ABCC1: variants seen among roughly 807,000 people sequenced by gnomAD.
ABCC1 encodes multidrug resistance-associated protein 1.
A neutral mutation model predicts 172.9 loss-of-function variants in ABCC1; 83 were observed. The observed-to-expected ratio is 0.48, with a 90% CI of 0.40 to 0.58. The LOEUF (loss-of-function observed/expected upper bound fraction) is 0.58, where lower values mean the gene tolerates loss of function less well. ABCC1 is among the 20% of genes least tolerant of loss of function. The pLI is 0.00. For missense variants in ABCC1, 1,817 were observed against 2,002.7 expected, an observed-to-expected ratio of 0.91 and a Z score of 1.77; for synonymous variants, 937 against 825.2, an observed-to-expected ratio of 1.14 and a Z score of -2.32.
chr16:16,055,823 C>T (rs1342015721), intron 11 of ABCC1, among the ~76,000 whole-genome samples: 1 of 151,412 alleles, frequency 6.6e-6, no homozygotes, highest in African/African-American at 2.4e-5. Flanking sequence ...GTCAGCTCTC[C>T]CACCCTCAGG....
intron 12 of ABCC1, among the ~76,000 whole-genome samples, chr16:16,063,871 C>T (rs2050012939): frequency 6.6e-6 from 1 of 152,100 alleles, no homozygotes; most frequent in Non-Finnish European, 1.5e-5. Context: ...TGGTTGTGGT[C>T]GATCACATGC....
chr16:15,954,724 T>G (rs1318260964), intron 1 of ABCC1, among the ~76,000 whole-genome samples: 1 of 152,074 alleles, frequency 6.6e-6, no homozygotes, highest in East Asian at 1.9e-4. Context: ...TCGTGTTCTC[T>G]TTCTCCGAGG....
intron 4 of ABCC1, 78 bp downstream of exon 4, chr16:16,014,706 A>C: frequency 6.5e-7 from 1 of 1,545,088 alleles, no homozygotes; most frequent in Non-Finnish European, 8.8e-7. Flanking sequence ...GCTTGTGTAG[A>C]AGTCATGCGT....
chr16:16,008,977 G>T (rs1197404171), intron 2 of ABCC1, among the ~76,000 whole-genome samples: 2 of 148,486 alleles, frequency 1.3e-5, no homozygotes, highest in Admixed American at 1.4e-4. Context: ...TTGACACAAG[G>T]TGTTGCTCTT....
chr16:16,070,474 C>G (rs2050300885), intron 13 of ABCC1, among the ~76,000 whole-genome samples: 1 of 152,152 alleles, frequency 6.6e-6, no homozygotes, highest in Non-Finnish European at 1.5e-5. Context: ...ACCATCCTGG[C>G]TAACACGGTG....
intron 1 of ABCC1, among the ~76,000 whole-genome samples, chr16:16,006,109 C>T (rs2014800): frequency 0.5 from 75,558 of 151,930 alleles, 19,663 homozygotes; most frequent in Non-Finnish European, 0.59. Context: ...AACAAGCCAT[C>T]TATGGGCCAA....
chr16:16,114,777 T>C lies in ABCC1; in HGVS notation c.3091T>C (p.Phe1031Leu). Reference sequence around the variant, plus strand: ...CCGAGTGTCTGCAGGGATCGCCGTGTTTGGCTACTCCATGGCCGTGTCCAT... The same window carrying C: ...CCGAGTGTCTGCAGGGATCGCCGTGCTTGGCTACTCCATGGCCGTGTCCAT... ...ALGISQGIAV[F>L]GYSMAVSIGG... is the part of the protein sequence containing the mutation. Residue 1031 changes from phenylalanine (F) to leucine (L), a missense_variant, in exon 23 of 31, where the codon TTT becomes CTT. By Grantham distance (22) the Phe-to-Leu change is conservative. Coordinates refer to ENST00000399410, the MANE Select transcript of ABCC1 (RefSeq NM_004996.4). 6.3e-7 allele frequency: 1 copy of C among 1,596,638 alleles called. No homozygotes were observed. The highest frequency in any genetic ancestry group is 1.1e-5 in the South Asian group (1 of 90,642).
chr16:16,109,631 G>A (rs1173263442), intron 21 of ABCC1, among the ~76,000 whole-genome samples: 2 of 152,152 alleles, frequency 1.3e-5, no homozygotes, highest in Admixed American at 6.5e-5. Context: ...CATGTCAGGC[G>A]GCTAGACACA....
intron 1 of ABCC1, among the ~76,000 whole-genome samples, chr16:16,003,948 G>T (rs2047420334): frequency 6.6e-6 from 1 of 150,516 alleles, no homozygotes; most frequent in African/African-American, 2.4e-5. Flanking sequence ...ATTGGTTGGG[G>T]GGGGTGGATG....
intron 21 of ABCC1, among the ~76,000 whole-genome samples, chr16:16,110,985 C>T (rs1465624821): frequency 1.3e-5 from 2 of 152,170 alleles, no homozygotes; most frequent in Non-Finnish European, 1.5e-5. Context: ...ACTGCTTCTA[C>T]CTCTGCCTCC....
Position 16,114,825 on chromosome 16 carries a change from T to C in ABCC1, c.3139T>C (p.Cys1047Arg), listed in dbSNP as rs483352862. ...VSIGGILASR[C>R]LHVDLLHSIL... is the part of the protein sequence containing the mutation. The stretch of plus-strand genomic sequence containing the variant: ...CATCGGGGGGATCTTGGCTTCCCGC[T>C]GTCTGCACGTGGACCTGCTGCACAG... Residue 1047 changes from cysteine to arginine, a missense_variant, in exon 23 of 31, where the codon TGT becomes CGT. Physicochemically the swap from Cys to Arg is radical, Grantham distance 180. Coordinates refer to ENST00000399410, the MANE Select transcript of ABCC1 (RefSeq NM_004996.4). 7.5e-6 allele frequency: 12 copies of C among 1,610,376 alleles called. No homozygotes were observed. Among genetic ancestry groups the C allele is most frequent in the Non-Finnish European group, 1.0e-5 (12 of 1,176,820 alleles).
chr16:16,128,752 A>C (rs113455069), intron 26 of ABCC1, among the ~76,000 whole-genome samples: 2 of 152,336 alleles, frequency 1.3e-5, no homozygotes, highest in African/African-American at 4.8e-5. Context: ...CAATCCCAGC[A>C]CTTTGAGAGG....
At chr16:16,030,456 C>T (rs1336025545) in intron 5 of ABCC1, among the ~76,000 whole-genome samples, 6 of 152,030 alleles carry the variant, frequency 3.9e-5, no homozygotes, top group Admixed American at 2.6e-4. Context: ...ACCCAGGAGG[C>T]GGAGTTTGCA....
intron 7 of ABCC1, among the ~76,000 whole-genome samples, chr16:16,040,877 C>G (rs1313760380): frequency 6.6e-6 from 1 of 152,116 alleles, no homozygotes; most frequent in Non-Finnish European, 1.5e-5. Flanking sequence ...GTGGGAACCT[C>G]AAGGGCTGTC....
chr16:16,081,689 C>T (rs1456882654), intron 16 of ABCC1, among the ~76,000 whole-genome samples: 2 of 152,078 alleles, frequency 1.3e-5, no homozygotes, highest in African/African-American at 4.8e-5. Context: ...TACCTGGGAC[C>T]TGCTGTCAGC....
intron 10 of ABCC1, among the ~76,000 whole-genome samples, chr16:16,050,694 A>T (rs990695202): frequency 1.7e-4 from 24 of 143,738 alleles, no homozygotes; most frequent in African/African-American, 6.2e-4. Flanking sequence ...GGAGTTTGAG[A>T]CCAGCCTGGG....
intron 1 of ABCC1, among the ~76,000 whole-genome samples, chr16:16,002,193 T>C (rs1597097401): frequency 1.3e-5 from 2 of 152,338 alleles, no homozygotes; most frequent in East Asian, 1.9e-4. Flanking sequence ...AAACTGTTCA[T>C]GTATACTGCG....
At chr16:15,961,480 T>G (rs2046130059) in intron 1 of ABCC1, among the ~76,000 whole-genome samples, 1 of 152,152 alleles carries the variant, frequency 6.6e-6, no homozygotes, top group Admixed American at 6.6e-5. Flanking sequence ...AAGGGAAAAA[T>G]AAAAGTTTTA....
chr16:16,109,959 T>A (rs1032199370), intron 21 of ABCC1, among the ~76,000 whole-genome samples: 4 of 152,158 alleles, frequency 2.6e-5, no homozygotes, highest in Admixed American at 2.6e-4. Context: ...TCCAGCCTCT[T>A]GTTCCTTGCT....
Sources: allele counts gnomAD v4.1 joint callset (sites outside exome capture counted in the v4.1 genomes callset), GRCh38; gene constraint gnomAD v4.1.1; transcripts MANE v1.5; gene names NCBI Gene and HGNC (gene_info 2026-07-23, HGNC 2026-07-21).